The following LAMA2 variants were observed in gnomAD, a reference collection of about 807,000 sequenced individuals.
LAMA2 encodes laminin subunit alpha 2, also known as laminin subunit alpha-2.
A neutral mutation model predicts 364.8 loss-of-function variants in LAMA2; 269 were observed. The ratio of observed to expected loss-of-function variants is 0.74; its 90% confidence interval spans 0.67 to 0.82. LAMA2 has a LOEUF of 0.82. Ranked by LOEUF, LAMA2 falls within the 40% of genes least tolerant of loss-of-function variation. The pLI is 0.00. For missense variants in LAMA2, 3,807 were observed against 3,873.2 expected (o/e 0.98, Z 0.45); for synonymous variants, 1,379 against 1,370.6 (o/e 1.01, Z -0.14).
At chr6:129,215,721 G>A (rs550591351) in intron 12 of LAMA2, among the ~76,000 whole-genome samples, 1 of 152,060 alleles carries the variant, frequency 6.6e-6, no homozygotes, top group Non-Finnish European at 1.5e-5. Context: ...AATGGAGAGT[G>A]TAAATACTAC....
At chr6:129,256,634 T>A (rs1786686336) in intron 14 of LAMA2, among the ~76,000 whole-genome samples, 1 of 151,702 alleles carries the variant, frequency 6.6e-6, no homozygotes, top group South Asian at 2.1e-4. Context: ...TGTGTTAGCA[T>A]TTAATACACT....
At chr6:129,109,071 T>A (rs1775990777) in intron 4 of LAMA2, among the ~76,000 whole-genome samples, 1 of 152,146 alleles carries the variant, frequency 6.6e-6, no homozygotes, top group South Asian at 2.1e-4. Context: ...CTATTGAGTT[T>A]AACTTCTTTC....
At chr6:129,012,853 A>G (rs1311754304) in intron 1 of LAMA2, among the ~76,000 whole-genome samples, 1 of 152,208 alleles carries the variant, frequency 6.6e-6, no homozygotes, top group African/African-American at 2.4e-5. Context: ...AGTGACACAT[A>G]CACAATTTAT....
At position 128,979,023 on chromosome 6, in the gene LAMA2, ATTACT is replaced by A. The variant is rs574062370; in HGVS notation, c.113-70891_113-70887del. Among the ~76,000 whole-genome samples, 689 of 152,324 alleles carry A rather than the reference ATTACT, an allele frequency of 4.5e-3. 8 individuals carry two copies. The highest frequency in any genetic ancestry group is 0.024 in the Middle Eastern group (7 of 294). On this transcript the variant is annotated intron_variant, in intron 1 of 64. Coordinates refer to ENST00000421865, the MANE Select transcript of LAMA2 (RefSeq NM_000426.4). ...GATCAGAGCATGCAAGGATTTAAAGATTACTTTAAGAATTTGGTGCATTATACTCA... is the reference window on the plus strand; with the variant it reads ...GATCAGAGCATGCAAGGATTTAAAGATTAAGAATTTGGTGCATTATACTCA...
intron 1 of LAMA2, among the ~76,000 whole-genome samples, chr6:128,911,304 T>G (rs201428663): frequency 3.1e-4 from 47 of 152,140 alleles, no homozygotes; most frequent in Non-Finnish European, 4.7e-4. Context: ...GTGGGCGTAG[T>G]ACCTTCCCAG....
At chr6:129,148,935 C>A in intron 6 of LAMA2, 44 bp from the exon 7 acceptor site, 2 of 1,282,976 alleles carry the variant, frequency 1.6e-6, no homozygotes, top group Non-Finnish European at 1.1e-6. Flanking sequence ...CTTTATGGTT[C>A]TAAATGAGGC....
intron 7 of LAMA2, among the ~76,000 whole-genome samples, chr6:129,149,600 AATGTGTCAGAC>A (rs1431247043): frequency 6.6e-6 from 1 of 152,162 alleles, no homozygotes; most frequent in Non-Finnish European, 1.5e-5. Context: ...TATCATGTAC[AATGTGTCAGAC>A]ATGACAGGTC....
chr6:129,260,665 C>A, intron 14 of LAMA2, 46 bp from the exon 15 acceptor site: 1 of 1,136,240 alleles, frequency 8.8e-7, no homozygotes. Context: ...CTGTATAATA[C>A]CTAAGAACTT....
intron 23 of LAMA2, among the ~76,000 whole-genome samples, chr6:129,313,871 G>A (rs1299601450): frequency 6.6e-6 from 1 of 152,174 alleles, no homozygotes; most frequent in Non-Finnish European, 1.5e-5. Flanking sequence ...CCAATACCGA[G>A]TACAATGCTG....
At chr6:129,119,741 G>A (rs572986169) in intron 4 of LAMA2, among the ~76,000 whole-genome samples, 2 of 152,050 alleles carry the variant, frequency 1.3e-5, no homozygotes, top group African/African-American at 2.4e-5. Flanking sequence ...GTACAGACGG[G>A]GTTTCACCGT....
intron 4 of LAMA2, among the ~76,000 whole-genome samples, chr6:129,118,174 C>T (rs544772179): frequency 1.1e-4 from 17 of 152,260 alleles, no homozygotes; most frequent in Non-Finnish European, 1.6e-4. Context: ...AATAGCTGAA[C>T]GAATGAATTA....
intron 4 of LAMA2, among the ~76,000 whole-genome samples, chr6:129,127,187 A>G (rs1777168589): frequency 6.6e-6 from 1 of 152,222 alleles, no homozygotes; most frequent in Non-Finnish European, 1.5e-5. Flanking sequence ...GTAAAAAAAT[A>G]TAAAGTAAAG....
intron 12 of LAMA2, among the ~76,000 whole-genome samples, chr6:129,197,657 C>T (rs2115044479): frequency 6.6e-6 from 1 of 152,316 alleles, no homozygotes; most frequent in South Asian, 2.1e-4. Context: ...GGCCATGGTC[C>T]TTAACCTTGC....
chr6:129,099,135 T>G lies in LAMA2; in HGVS notation c.639+720T>G, dbSNP rs536525443. On this transcript the variant is annotated intron_variant, in intron 4 of 64. Transcript: ENST00000421865. ...GGAGGTTTTTTTTTTGTTTTTTTTTTTTTTGTTTTCTGGCTTAGTTGTGTG... is the reference window on the plus strand; with the variant it reads ...GGAGGTTTTTTTTTTGTTTTTTTTTGTTTTGTTTTCTGGCTTAGTTGTGTG... Among the ~76,000 whole-genome samples, 206 of 149,896 alleles carry G rather than the reference T, an allele frequency of 1.4e-3. 1 individual carries two copies. Among genetic ancestry groups the G allele is most frequent in the African/African-American group, 4.8e-3 (196 of 40,890 alleles).
At chr6:128,945,567 A>G (rs114300563) in intron 1 of LAMA2, among the ~76,000 whole-genome samples, 287 of 152,376 alleles carry the variant, frequency 1.9e-3, no homozygotes, top group African/African-American at 6.6e-3. Context: ...TTCACAGAAT[A>G]AAAATAATGT....
chr6:129,032,011 G>C (rs1306794182), intron 1 of LAMA2, among the ~76,000 whole-genome samples: 3 of 152,024 alleles, frequency 2.0e-5, no homozygotes, highest in African/African-American at 7.2e-5. Flanking sequence ...GTAGAGACAG[G>C]GTTTGGCCAT....
At chr6:129,307,430 T>C (rs1230112594) in intron 22 of LAMA2, among the ~76,000 whole-genome samples, 1 of 152,228 alleles carries the variant, frequency 6.6e-6, no homozygotes, top group Non-Finnish European at 1.5e-5. Flanking sequence ...TTCTTTCTTT[T>C]TGAACACGTA....
At chr6:129,040,605 G>A (rs573676095) in intron 1 of LAMA2, among the ~76,000 whole-genome samples, 3 of 152,212 alleles carry the variant, frequency 2.0e-5, no homozygotes, top group South Asian at 4.2e-4. Flanking sequence ...CTCCAGCCTG[G>A]GCAACAAGAG....
chr6:129,115,064 AT>A (rs928932802), intron 4 of LAMA2, among the ~76,000 whole-genome samples: 1 of 152,142 alleles, frequency 6.6e-6, no homozygotes, highest in Admixed American at 6.6e-5. Flanking sequence ...AATGACTTCT[AT>A]TTTTTTCATT....
Sources: allele counts gnomAD v4.1 joint callset (sites outside exome capture counted in the v4.1 genomes callset), GRCh38; gene constraint gnomAD v4.1.1; transcripts MANE v1.5; gene names NCBI Gene and HGNC (gene_info 2026-07-23, HGNC 2026-07-21).